The following CLTCL1 variants were observed in gnomAD, a reference collection of about 807,000 sequenced individuals.
CLTCL1 encodes the protein clathrin heavy chain like 1, also known as clathrin heavy chain 2.
Under a neutral mutation model 190.0 loss-of-function variants are expected in CLTCL1, and 159 were observed. The observed-to-expected ratio is 0.84, with a 90% confidence interval of 0.74 to 0.95. CLTCL1 has a LOEUF of 0.95. Ranked by LOEUF, CLTCL1 falls within the 40% of genes least tolerant of loss-of-function variation. CLTCL1 has a pLI of 0.00. For synonymous variants in CLTCL1, 752 were observed against 769.6 expected (o/e 0.98, Z 0.38); for missense variants, 1,878 against 2,033.4 (o/e 0.92, Z 1.47).
chr22:19,291,479 G>C lies in CLTCL1; in HGVS notation c.42+121C>G, dbSNP rs2088121414. ...CAGCCCCAGCCCAGGTGGGAGGTCG[G>C]AAATCGGCGCGGCCAGCTGGGCAGC... On this transcript the variant is annotated intron_variant, in intron 1 of 32. Coordinates refer to ENST00000427926, the MANE Select transcript of CLTCL1 (RefSeq NM_007098.4). 6 of 1,001,900 alleles carry C rather than the reference G, an allele frequency of 6.0e-6. No individual in the cohort carries two copies. In the South Asian group the frequency reaches 2.7e-4, roughly 45 times the overall value. 62.1% of individuals were successfully genotyped at this position (1,001,900 alleles called of 1,614,324 possible). A position where few individuals can be genotyped will look rare whatever the true frequency, so the allele number is the denominator to read the frequency against.
rs564675792 is a variant in CLTCL1, at chr22:19,216,331, G to A, written c.2920-75C>T. 7.1e-6 allele frequency: 10 copies of A among 1,412,706 alleles called. No individual in the cohort carries two copies. The South Asian group carries it at 8.7e-5, about 12-fold the overall frequency. 87.5% of individuals were successfully genotyped at this position (1,412,706 alleles called of 1,614,324 possible). On this transcript the variant is annotated intron_variant, in intron 18 of 32. Transcript: ENST00000427926. ...TGTATCTTTGAAGCTAAACAGAAGG[G>A]AAGGACTCCTCCAAGATGGTCTGGA...
At chr22:19,283,273 A>ATTTTCTTTCTTT (rs1469065999) in intron 1 of CLTCL1, among the ~76,000 whole-genome samples, 1 of 150,568 alleles carries the variant, frequency 6.6e-6, no homozygotes, top group Non-Finnish European at 1.5e-5. Context: ...TTTTAAAAAA[A>ATTTTCTTTCTTT]TTTTCTTTCT....
At chr22:19,234,781 G>C in intron 6 of CLTCL1, 75 bp from the exon 7 acceptor site, 1 of 1,282,180 alleles carries the variant, frequency 7.8e-7, no homozygotes, top group Non-Finnish European at 1.1e-6. Flanking sequence ...GTTCCCTTCC[G>C]ATGCTGGAGT....
chr22:19,245,552 T>C (rs1446133204), intron 3 of CLTCL1, among the ~76,000 whole-genome samples: 2 of 152,152 alleles, frequency 1.3e-5, no homozygotes, highest in African/African-American at 4.8e-5. Flanking sequence ...TTTTAAAGTG[T>C]ATGATTGAAT....
chr22:19,249,916 T>C (rs782185390), intron 3 of CLTCL1: 23 of 434,728 alleles, frequency 5.3e-5, no homozygotes, highest in Non-Finnish European at 1.0e-4. Flanking sequence ...GAATGACTGA[T>C]GGTATGCTAA....
chr22:19,181,164 G>T (rs1290840835), intron 30 of CLTCL1: 1 of 270,798 alleles, frequency 3.7e-6, no homozygotes. Flanking sequence ...CTGCAGGGCT[G>T]GGGCCATGTG....
intron 1 of CLTCL1, among the ~76,000 whole-genome samples, chr22:19,277,488 G>A (rs978865888): frequency 1.3e-5 from 2 of 152,130 alleles, no homozygotes; most frequent in African/African-American, 4.8e-5. Context: ...GTTCCCAAAT[G>A]AGTCCACCAA....
At chr22:19,246,565 C>T (rs1774923659) in intron 3 of CLTCL1, among the ~76,000 whole-genome samples, 1 of 151,948 alleles carries the variant, frequency 6.6e-6, no homozygotes, top group Non-Finnish European at 1.5e-5. Flanking sequence ...CAACCTCTGC[C>T]TTCCAGGTTC....
intron 2 of CLTCL1, among the ~76,000 whole-genome samples, chr22:19,267,695 A>C (rs2146224705): frequency 6.6e-6 from 1 of 152,218 alleles, no homozygotes; most frequent in South Asian, 2.1e-4. Flanking sequence ...GGAGTTCAAG[A>C]CCAGCTTGGC....
At position 19,199,820 on chromosome 22, in the gene CLTCL1, C is replaced by T; in HGVS notation, c.3787G>A (p.Gly1263Arg). ...AGCTGTGCGAAGCGGAACTCTTGTC[C>T]ATCCATGCAGGCAAAGCACACCTAG... ...WKEVCFACMD[G>R]QEFRFAQLCG... The change falls in exon 24 of 33, where the codon GGA (glycine) becomes AGA (arginine). Residue 1263 changes from glycine (G) to arginine (R), a missense_variant. Gly to Arg is a moderately radical substitution (Grantham distance 125). Coordinates refer to ENST00000427926, the MANE Select transcript of CLTCL1 (RefSeq NM_007098.4). 1.3e-6 allele frequency: 2 copies of T among 1,595,672 alleles called. No homozygotes were observed. The highest frequency in any genetic ancestry group is 1.1e-5 in the South Asian group (1 of 87,402).
chr22:19,209,919 G>T (rs2085164552), intron 20 of CLTCL1, among the ~76,000 whole-genome samples: 1 of 152,172 alleles, frequency 6.6e-6, no homozygotes, highest in South Asian at 2.1e-4. Flanking sequence ...AAAAGCTCCT[G>T]CTGAGGAGAT....
chr22:19,256,730 C>T (rs1223885483), intron 2 of CLTCL1, among the ~76,000 whole-genome samples: 2 of 151,826 alleles, frequency 1.3e-5, no homozygotes, highest in African/African-American at 4.8e-5. Flanking sequence ...AAACTCCTGG[C>T]CTCATGCAAT....
chr22:19,234,381 A>C (rs1443155780), intron 7 of CLTCL1, 128 bp downstream of exon 7: 2 of 860,438 alleles, frequency 2.3e-6, no homozygotes, highest in African/African-American at 3.4e-5. Context: ...AAAAATTTTA[A>C]ACTAAAAACT....
In CLTCL1 at chr22:19,222,070, A is replaced by G. The variant is rs1555952881; in HGVS notation, c.2442T>C (p.Ala814=). 2 of 1,613,892 alleles carry G rather than the reference A, an allele frequency of 1.2e-6. No homozygotes were observed. Among genetic ancestry groups the G allele is most frequent in the Admixed American group, 3.3e-5 (2 of 59,992 alleles). ...CCACATCAAGCAGCCCTCCAATCAC[A>G]GCTGGGGTCCGGCTAGGGTTGACCT... ...VQKVNPSRTP[A]VIGGLLDVDC... Residue 814 remains alanine (A), a synonymous_variant, in exon 16 of 33, where the codon GCT becomes GCC. Coordinates refer to ENST00000427926, the MANE Select transcript of CLTCL1 (RefSeq NM_007098.4).
intron 29 of CLTCL1, chr22:19,184,213 T>C (rs921485782): frequency 6.5e-6 from 2 of 309,898 alleles, no homozygotes; most frequent in Non-Finnish European, 1.3e-5. Context: ...ACCTGATTCC[T>C]TCTATGGCAG....
chr22:19,184,465 G>A (rs1555927324), intron 29 of CLTCL1: 4 of 456,014 alleles, frequency 8.8e-6, no homozygotes, highest in South Asian at 6.2e-5. Flanking sequence ...GATGTGCTGA[G>A]CTGGCTCCGG....
chr22:19,276,342 T>A (rs546757748), intron 1 of CLTCL1, among the ~76,000 whole-genome samples: 1 of 152,346 alleles, frequency 6.6e-6, no homozygotes, highest in South Asian at 2.1e-4. Context: ...CCTGTCTACA[T>A]CTGACTTGAA....
intron 26 of CLTCL1, 23 bp downstream of exon 26, chr22:19,196,243 C>T (rs781795037): frequency 1.9e-6 from 3 of 1,607,538 alleles, no homozygotes; most frequent in Admixed American, 1.7e-5. Context: ...TGGCAGGAGC[C>T]AGCGCTCTGT....
intron 13 of CLTCL1, among the ~76,000 whole-genome samples, chr22:19,225,186 G>A (rs1245906423): frequency 6.6e-6 from 1 of 152,172 alleles, no homozygotes; most frequent in Admixed American, 6.5e-5. Context: ...ACTGTGCTGC[G>A]TAGACACACC....
Sources: allele counts gnomAD v4.1 joint callset (sites outside exome capture counted in the v4.1 genomes callset), GRCh38; gene constraint gnomAD v4.1.1; transcripts MANE v1.5; gene names NCBI Gene and HGNC (gene_info 2026-07-23, HGNC 2026-07-21).